TMEM117: variants seen among roughly 807,000 people sequenced by gnomAD.
TMEM117 encodes transmembrane protein 117.
In TMEM117, 27 loss-of-function variants were observed where a neutral mutation model predicts 52.4. The ratio of observed to expected loss-of-function variants is 0.51; its 90% confidence interval spans 0.38 to 0.71. The LOEUF is 0.71. Among genes scored for constraint, TMEM117 ranks in the 30% least tolerant of loss-of-function variants. The pLI, the probability that TMEM117 is intolerant of heterozygous loss-of-function variation, is 0.00. For missense variants in TMEM117, 556 were observed against 630.5 expected, an observed-to-expected ratio of 0.88 and a Z score of 1.26; for synonymous variants, 215 against 206.3, an observed-to-expected ratio of 1.04 and a Z score of -0.36.
chr12:44,326,450 G>A (rs905048478), intron 6 of TMEM117, among the ~76,000 whole-genome samples: 9 of 152,164 alleles, frequency 5.9e-5, no homozygotes, highest in Admixed American at 1.3e-4. Context: ...GAGACCTAGA[G>A]AATGATATTA....
intron 5 of TMEM117, among the ~76,000 whole-genome samples, chr12:44,288,207 T>C (rs1950660567): frequency 6.6e-6 from 1 of 152,236 alleles, no homozygotes; most frequent in Non-Finnish European, 1.5e-5. Context: ...ACGCTGAGCA[T>C]AATTTTGGAG....
intron 4 of TMEM117, among the ~76,000 whole-genome samples, chr12:44,165,550 TG>T (rs1948954877): frequency 6.6e-6 from 1 of 151,954 alleles, no homozygotes; most frequent in Non-Finnish European, 1.5e-5. Flanking sequence ...TCCACACAAA[TG>T]AAAACTAAAC....
chr12:44,316,588 C>T (rs1221088740), intron 6 of TMEM117, among the ~76,000 whole-genome samples: 4 of 152,252 alleles, frequency 2.6e-5, no homozygotes, highest in Non-Finnish European at 5.9e-5. Context: ...TGGTATCTCA[C>T]AGGTGTTCTC....
chr12:44,045,791 C>A (rs540035379), intron 3 of TMEM117, among the ~76,000 whole-genome samples: 1 of 152,204 alleles, frequency 6.6e-6, no homozygotes, highest in African/African-American at 2.4e-5. Context: ...TGCAGTGAGC[C>A]GAGATCGTGC....
At chr12:44,151,138 A>G (rs1361605032) in intron 4 of TMEM117, among the ~76,000 whole-genome samples, 1 of 152,094 alleles carries the variant, frequency 6.6e-6, no homozygotes, top group East Asian at 1.9e-4. Flanking sequence ...AACTGAGGAC[A>G]TCTCTTATAG....
chr12:43,864,675 C>G lies in TMEM117; in HGVS notation c.277+19747C>G, dbSNP rs573060946. On this transcript the variant is annotated intron_variant, in intron 2 of 7. Transcript: ENST00000266534. ...GTAAAAGCACCAATCAGCACCCTGTCAAAACAGACCAATCAGCTCTCTGTG... is the reference window on the plus strand; with the variant it reads ...GTAAAAGCACCAATCAGCACCCTGTGAAAACAGACCAATCAGCTCTCTGTG... Among the ~76,000 whole-genome samples, 3 of 151,596 alleles carry G rather than the reference C, an allele frequency of 2.0e-5. No individual in the cohort carries two copies. The South Asian group carries it at 6.4e-4, about 32-fold the overall frequency.
rs840770 is a variant in TMEM117, at chr12:44,331,440, A to C, written c.768+31701A>C. ...GTCTTCAGGGCCCAACTGTCACTGA[A>C]AAGCCCATGATGGTGTTTCTTGGGC... On this transcript the variant is annotated intron_variant, in intron 6 of 7. Transcript: ENST00000266534. Among the ~76,000 whole-genome samples, 920 of 152,130 alleles carry C rather than the reference A, an allele frequency of 6.0e-3. 8 individuals are homozygous for C. The highest frequency in any genetic ancestry group is 0.022 in the African/African-American group (896 of 41,524).
rs58933565 is a variant in TMEM117 at position 44,203,095 on chromosome 12, T to TTTGTTG, written c.511-8174_511-8169dup. 1.1e-3 allele frequency among the ~76,000 whole-genome samples: 166 copies of TTTGTTG among 151,496 alleles called. 1 individual carries two copies. The highest frequency in any genetic ancestry group is 3.6e-3 in the African/African-American group (149 of 41,226). On this transcript the variant is annotated intron_variant, in intron 4 of 7. Coordinates refer to ENST00000266534, the MANE Select transcript of TMEM117 (RefSeq NM_032256.3). Reference sequence around the variant, plus strand: ...CAGGGGTGAGCCACCACACATGGCCTTTGTTGTTGTTGTTGTTGTTGTTGT... The same window carrying TTTGTTG: ...CAGGGGTGAGCCACCACACATGGCCTTTGTTGTTGTTGTTGTTGTTGTTGTTGTTGT...
chr12:44,317,594 C>T lies in TMEM117; in HGVS notation c.768+17855C>T, dbSNP rs1267213464. Among the ~76,000 whole-genome samples the T allele has an allele frequency of 2.0e-5, 3 of 152,066 alleles. No homozygotes were observed. In the East Asian group the frequency reaches 5.8e-4, roughly 29 times the overall value. ...TATTTTTAGTAGAGACAGGATTTCA[C>T]CATGTTGGCCAGGCTAGTCTCGAAC... is the stretch of plus-strand genomic sequence containing the variant. On this transcript the variant is annotated intron_variant, in intron 6 of 7. Coordinates refer to ENST00000266534, the MANE Select transcript of TMEM117 (RefSeq NM_032256.3).
chr12:44,214,900 G>A (rs551939464), intron 5 of TMEM117, among the ~76,000 whole-genome samples: 42 of 152,036 alleles, frequency 2.8e-4, no homozygotes, highest in Non-Finnish European at 4.6e-4. Flanking sequence ...CATACTTTTC[G>A]CATAAAAGGG....
At chr12:44,208,375 C>T (rs1949598851) in intron 4 of TMEM117, among the ~76,000 whole-genome samples, 1 of 152,078 alleles carries the variant, frequency 6.6e-6, no homozygotes, top group Non-Finnish European at 1.5e-5. Context: ...CACATTTCTC[C>T]CAGCATAGAA....
At chr12:44,334,785 G>A (rs1951318814) in intron 6 of TMEM117, among the ~76,000 whole-genome samples, 1 of 151,908 alleles carries the variant, frequency 6.6e-6, no homozygotes, top group African/African-American at 2.4e-5. Flanking sequence ...TTGGCACAGT[G>A]ACATTTAAAA....
chr12:43,979,426 C>T (rs1039824153), intron 3 of TMEM117, among the ~76,000 whole-genome samples: 7 of 152,106 alleles, frequency 4.6e-5, no homozygotes, highest in African/African-American at 9.7e-5. Flanking sequence ...TTACATGATA[C>T]TGACACATGG....
chr12:44,320,788 G>A (rs1385941473), intron 6 of TMEM117, among the ~76,000 whole-genome samples: 3 of 152,010 alleles, frequency 2.0e-5, no homozygotes, highest in Admixed American at 1.3e-4. Context: ...TAAATATTTC[G>A]ATTAGAGTTA....
chr12:43,876,406 G>C (rs1943795081), intron 2 of TMEM117, among the ~76,000 whole-genome samples: 1 of 152,132 alleles, frequency 6.6e-6, no homozygotes, highest in South Asian at 2.1e-4. Context: ...CAAGAGCTTA[G>C]GTTGATCTTC....
intron 3 of TMEM117, among the ~76,000 whole-genome samples, chr12:44,139,048 A>G (rs1046106420): frequency 2.0e-5 from 3 of 151,876 alleles, no homozygotes; most frequent in Non-Finnish European, 4.4e-5. Context: ...ATGCAAGTCA[A>G]CTCCTCGCCC....
chr12:44,163,593 C>A (rs182800426), intron 4 of TMEM117, among the ~76,000 whole-genome samples: 83 of 152,262 alleles, frequency 5.5e-4, no homozygotes, highest in Non-Finnish European at 9.6e-4. Context: ...TTCTTTTAAT[C>A]ATCATCAGTT....
chr12:44,254,352 T>G (rs921699465), intron 5 of TMEM117, among the ~76,000 whole-genome samples: 1 of 151,888 alleles, frequency 6.6e-6, no homozygotes, highest in Non-Finnish European at 1.5e-5. Flanking sequence ...GTAGACAGTT[T>G]ACAGAAAAAT....
intron 6 of TMEM117, among the ~76,000 whole-genome samples, chr12:44,303,791 G>T (rs1477254776): frequency 6.6e-6 from 1 of 152,130 alleles, no homozygotes; most frequent in African/African-American, 2.4e-5. Context: ...TTAAGGAAAA[G>T]ATTCAGGTAA....
Sources: allele counts gnomAD v4.1 joint callset (sites outside exome capture counted in the v4.1 genomes callset), GRCh38; gene constraint gnomAD v4.1.1; transcripts MANE v1.5; gene names NCBI Gene and HGNC (gene_info 2026-07-23, HGNC 2026-07-21).